The following AGMO variants were observed in gnomAD, a reference collection of about 807,000 sequenced individuals.
The protein encoded by AGMO is alkylglycerol monooxygenase, also known as glyceryl-ether monooxygenase.
Under a neutral mutation model 60.2 loss-of-function variants are expected in AGMO, and 75 were observed. That is an observed-to-expected ratio of 1.25 (90% CI 1.03 to 1.51). The LOEUF is 1.51. Ranked by LOEUF, AGMO falls within the 40% of genes most tolerant of loss-of-function variation. AGMO has a pLI of 0.00. For synonymous variants in AGMO, 261 were observed against 177.1 expected (o/e 1.47, Z -3.76); for missense variants, 763 against 525.5 (o/e 1.45, Z -4.42).
At chr7:15,186,183 C>A in the AGMO span, among the ~76,000 whole-genome samples, 2 of 152,268 alleles carry the variant, frequency 1.3e-5, no homozygotes, top group East Asian at 3.9e-4. Flanking sequence ...TGGTAATAAG[C>A]CACTTTGTAA....
intron 12 of AGMO, among the ~76,000 whole-genome samples, chr7:15,325,255 G>A (rs1429818597): frequency 1.3e-5 from 2 of 151,766 alleles, no homozygotes; most frequent in Non-Finnish European, 2.9e-5. Context: ...GACTTTACTT[G>A]GAAGGCATTA....
intron 12 of AGMO, among the ~76,000 whole-genome samples, chr7:15,302,524 A>T (rs1265428833): frequency 6.6e-6 from 1 of 152,202 alleles, no homozygotes. Context: ...AATATAATAC[A>T]GAAATTAAAA....
chr7:15,173,498 A>G, the AGMO span, among the ~76,000 whole-genome samples: 1 of 152,132 alleles, frequency 6.6e-6, no homozygotes, highest in Non-Finnish European at 1.5e-5. Context: ...TCAAAATTAA[A>G]TTGTCTGTCT....
the AGMO span, among the ~76,000 whole-genome samples, chr7:15,147,534 C>T: frequency 1.1e-4 from 17 of 152,046 alleles, no homozygotes; most frequent in Admixed American, 6.6e-5. Flanking sequence ...CCCCATGACA[C>T]GTGGGAATTA....
intron 12 of AGMO, among the ~76,000 whole-genome samples, chr7:15,288,386 G>C (rs956123285): frequency 2.0e-5 from 3 of 152,086 alleles, no homozygotes; most frequent in Non-Finnish European, 1.5e-5. Flanking sequence ...TGGTGAGCAG[G>C]AACTGCGTTT....
chr7:15,283,170 A>G (rs750349492), intron 12 of AGMO, among the ~76,000 whole-genome samples: 4 of 152,094 alleles, frequency 2.6e-5, no homozygotes, highest in Non-Finnish European at 4.4e-5. Flanking sequence ...CCATAAAACA[A>G]TAACACAATG....
intron 3 of AGMO, among the ~76,000 whole-genome samples, chr7:15,529,546 A>C (rs77001636): frequency 0.012 from 1,393 of 120,890 alleles, 39 homozygotes; most frequent in African/African-American, 0.044. Flanking sequence ...TATATATTCT[A>C]TATATATAGA....
At chr7:15,345,477 T>C (rs1782001313) in intron 12 of AGMO, among the ~76,000 whole-genome samples, 3 of 152,196 alleles carry the variant, frequency 2.0e-5, no homozygotes, top group African/African-American at 4.8e-5. Context: ...GGATTATTTA[T>C]GTTTCCCTTC....
intron 2 of AGMO, among the ~76,000 whole-genome samples, chr7:15,547,685 A>C (rs1036337187): frequency 6.6e-6 from 1 of 151,966 alleles, no homozygotes; most frequent in African/African-American, 2.4e-5. Context: ...AGTCTCGCTG[A>C]TTGCTAGCAC....
chr7:15,333,999 T>C (rs989902133), intron 12 of AGMO, among the ~76,000 whole-genome samples: 5 of 152,086 alleles, frequency 3.3e-5, no homozygotes, highest in Admixed American at 2.6e-4. Context: ...AGGAAGCAAT[T>C]CAACAATGGA....
chr7:15,351,734 T>G (rs1435821993), intron 12 of AGMO, among the ~76,000 whole-genome samples: 2 of 152,206 alleles, frequency 1.3e-5, no homozygotes, highest in East Asian at 3.8e-4. Context: ...AATAAATTTA[T>G]AGCAGCTTAT....
chr7:15,489,472 C>T (rs951003850), intron 3 of AGMO, among the ~76,000 whole-genome samples: 1 of 152,156 alleles, frequency 6.6e-6, no homozygotes, highest in Non-Finnish European at 1.5e-5. Flanking sequence ...CATCCTGGAC[C>T]TTTTGATGCT....
intron 3 of AGMO, among the ~76,000 whole-genome samples, chr7:15,480,190 T>G (rs1782712179): frequency 6.6e-6 from 1 of 152,148 alleles, no homozygotes; most frequent in Admixed American, 6.6e-5. Flanking sequence ...TAAAAATCAC[T>G]GTAAATTGCT....
At position 15,531,405 on chromosome 7, in the gene AGMO, T is replaced by G. The variant is rs1465534379; in HGVS notation, c.409+13367A>C. 3.8e-4 allele frequency among the ~76,000 whole-genome samples: 31 copies of G among 82,460 alleles called. 1 individual carries two copies. Among genetic ancestry groups the G allele is most frequent in the African/African-American group, 1.8e-3 (31 of 16,956 alleles). The allele number at this position is 82,460 out of a possible 152,430, so 54.1% of individuals were successfully genotyped here. ...TTCTATATATATTCTATATATATAT[T>G]CTATATATATTCTATATATATTCTA... is the stretch of plus-strand genomic sequence containing the variant. On this transcript the variant is annotated intron_variant, in intron 3 of 12. Transcript: ENST00000342526.
chr7:15,261,057 A>G (rs1287783319), intron 12 of AGMO, among the ~76,000 whole-genome samples: 1 of 152,120 alleles, frequency 6.6e-6, no homozygotes, highest in Non-Finnish European at 1.5e-5. Context: ...ACCTACATCA[A>G]AAAGTCTGAA....
rs75803779 is a variant in AGMO at position 15,354,339 on chromosome 7, T to G, written c.1263+11175A>C. 2.8e-5 allele frequency among the ~76,000 whole-genome samples: 2 copies of G among 70,724 alleles called. 1 individual carries two copies. The highest frequency in any genetic ancestry group is 8.8e-4 in the South Asian group (2 of 2,278). 46.4% of individuals were successfully genotyped at this position (70,724 alleles called of 152,430 possible). ...GCGTGTATATACGTACGCGTGTATATACACGCGTGTATATAGACGTGTGTA... is the reference window on the plus strand; with the variant it reads ...GCGTGTATATACGTACGCGTGTATAGACACGCGTGTATATAGACGTGTGTA... On this transcript the variant is annotated intron_variant, in intron 12 of 12. Transcript: ENST00000342526.
At chr7:15,493,523 G>A (rs547432859) in intron 3 of AGMO, among the ~76,000 whole-genome samples, 19 of 151,082 alleles carry the variant, frequency 1.3e-4, no homozygotes, top group East Asian at 3.9e-4. Context: ...GCAGGCGCCC[G>A]CCACCACACC....
At chr7:15,542,732 C>A (rs960756796) in intron 3 of AGMO, among the ~76,000 whole-genome samples, 1 of 152,042 alleles carries the variant, frequency 6.6e-6, no homozygotes, top group Admixed American at 6.6e-5. Flanking sequence ...TTATGTAAAC[C>A]ATATTTATTC....
chr7:15,285,091 A>T, intron 12 of AGMO, among the ~76,000 whole-genome samples: 1 of 152,052 alleles, frequency 6.6e-6, no homozygotes, highest in Admixed American at 6.6e-5. Flanking sequence ...AAATAATAAA[A>T]GCCATATATG....
Sources: gnomAD v4.1 joint callset for allele counts (sites outside exome capture counted in the v4.1 genomes callset) on GRCh38, gnomAD v4.1.1 for gene constraint, MANE v1.5 for transcripts, NCBI Gene and HGNC (gene_info 2026-07-23, HGNC 2026-07-21) for gene names.